The following ZNF782 variants were observed in gnomAD, a reference collection of about 807,000 sequenced individuals.
ZNF782 encodes zinc finger protein 782.
In ZNF782, 12 loss-of-function variants were observed where a neutral mutation model predicts 13.0. The ratio of observed to expected loss-of-function variants is 0.92; its 90% confidence interval spans 0.59 to 1.50. ZNF782 has a LOEUF of 1.50. Ranked by LOEUF, ZNF782 falls within the 40% of genes most tolerant of loss-of-function variation. The pLI, the probability that ZNF782 is intolerant of heterozygous loss-of-function variation, is 0.00. For missense variants in ZNF782, 770 were observed against 822.9 expected (o/e 0.94, Z 0.79); for synonymous variants, 284 against 283.0 (o/e 1.00, Z -0.04).
At chr9:96,911,510 G>GGTTTTTTT in the ZNF782 span, among the ~76,000 whole-genome samples, 3 of 109,690 alleles carry the variant, frequency 2.7e-5, no homozygotes, top group Non-Finnish European at 5.7e-5. Context: ...TTTTTTTTTT[G>GGTTTTTTT]TTTTTGTTTT....
In ZNF782 at chr9:96,818,439, G is replaced by A; in HGVS notation, c.1584C>T (p.His528=). The A allele has an allele frequency of 6.2e-7, 1 of 1,614,152 alleles. No homozygotes were observed. Among genetic ancestry groups the A allele is most frequent in the South Asian group, 1.1e-5 (1 of 91,084 alleles). Residue 528 remains histidine, a synonymous_variant, in exon 6 of 6, where the codon CAC becomes CAT. Coordinates refer to ENST00000481138, the MANE Select transcript of ZNF782 (RefSeq NM_001001662.3). ...TACATTTGTAGGGCTTCTCCCCTGTGTGTGTTCTATGATGTTTCCTCAGGC... is the reference window on the plus strand; with the variant it reads ...TACATTTGTAGGGCTTCTCCCCTGTATGTGTTCTATGATGTTTCCTCAGGC... The part of the protein sequence containing the change: ...KSGLRKHHRT[H]TGEKPYKCNQ...
chr9:96,917,887 C>CAT, the ZNF782 span, among the ~76,000 whole-genome samples: 3 of 121,682 alleles, frequency 2.5e-5, no homozygotes, highest in African/African-American at 7.2e-5. Context: ...CCACCCTTGG[C>CAT]GTGTGTGTGT....
intron 3 of ZNF782, 71 bp from the exon 4 acceptor site, chr9:96,845,087 C>T (rs758480472): frequency 1.1e-4 from 176 of 1,580,056 alleles, no homozygotes; most frequent in Non-Finnish European, 1.5e-4. Context: ...CGGAAACTAA[C>T]TCATTATGTT....
chr9:96,847,582 T>C (rs1259646912), intron 3 of ZNF782, among the ~76,000 whole-genome samples: 2 of 152,162 alleles, frequency 1.3e-5, no homozygotes, highest in Admixed American at 6.5e-5. Context: ...GGATAAATTC[T>C]TGCAAACATA....
At chr9:96,922,356 C>T in the ZNF782 span, among the ~76,000 whole-genome samples, 9 of 151,292 alleles carry the variant, frequency 5.9e-5, no homozygotes, top group South Asian at 8.4e-4. Context: ...TTGCTTCTAA[C>T]GATGTTTAGC....
chr9:96,911,784 T>C, the ZNF782 span, among the ~76,000 whole-genome samples: 1 of 152,028 alleles, frequency 6.6e-6, no homozygotes, highest in South Asian at 2.1e-4. Flanking sequence ...CCTCCCAAAG[T>C]GCTGGGATTA....
At chr9:96,825,738 G>A (rs933106295) in intron 5 of ZNF782, among the ~76,000 whole-genome samples, 1 of 152,138 alleles carries the variant, frequency 6.6e-6, no homozygotes, top group Non-Finnish European at 1.5e-5. Flanking sequence ...AGTGGGCAAA[G>A]GACATGAACA....
chr9:96,845,026 C>A lies in ZNF782; in HGVS notation c.16-10G>T, dbSNP rs373793306. On this transcript the variant is annotated splice_polypyrimidine_tract_variant and intron_variant, in intron 3 of 5. Transcript: ENST00000481138. ...GGAATGACACTGATGCCTGTAACAG[C>A]GCATTTCTAATTAATCTGAGTGTTC... 5 of 1,613,722 alleles carry A rather than the reference C, an allele frequency of 3.1e-6. No individual in the cohort carries two copies. The South Asian group carries it at 5.5e-5, about 18-fold the overall frequency.
chr9:96,876,640 G>T (rs1210065960), upstream of ZNF782, among the ~76,000 whole-genome samples: 1 of 152,086 alleles, frequency 6.6e-6, no homozygotes, highest in Non-Finnish European at 1.5e-5. Flanking sequence ...CTGTGACCCT[G>T]ACCAACAGGG....
At chr9:96,832,727 T>C (rs1342290167) in intron 4 of ZNF782, among the ~76,000 whole-genome samples, 1 of 152,212 alleles carries the variant, frequency 6.6e-6, no homozygotes, top group Non-Finnish European at 1.5e-5. Context: ...ATTGTTTCCC[T>C]TTAGTTGCTT....
At chr9:96,885,207 G>T in the ZNF782 span, among the ~76,000 whole-genome samples, 1 of 151,630 alleles carries the variant, frequency 6.6e-6, no homozygotes, top group Non-Finnish European at 1.5e-5. Flanking sequence ...ATCTAACAAG[G>T]GTTTTCGGGC....
chr9:96,895,917 G>A, the ZNF782 span: 1 of 152,198 alleles, frequency 6.6e-6, no homozygotes, highest in African/African-American at 2.4e-5. Context: ...TAGAAAAACA[G>A]CAAACCAAAA....
chr9:96,832,961 T>C (rs1198692197), intron 4 of ZNF782, among the ~76,000 whole-genome samples: 1 of 152,162 alleles, frequency 6.6e-6, no homozygotes, highest in Non-Finnish European at 1.5e-5. Context: ...GATTTTCTTG[T>C]AGTTTCTGGG....
the ZNF782 span, among the ~76,000 whole-genome samples, chr9:96,925,309 T>C: frequency 1.3e-4 from 19 of 151,546 alleles, no homozygotes; most frequent in African/African-American, 4.6e-4. Flanking sequence ...GGCGACGCCT[T>C]CTCCTTGGAG....
chr9:96,930,429 C>T, the ZNF782 span, among the ~76,000 whole-genome samples: 1 of 149,102 alleles, frequency 6.7e-6, no homozygotes, highest in South Asian at 2.1e-4. Context: ...GAGGCTGAGG[C>T]AGGAGAAGTG....
At chr9:96,885,705 G>T in the ZNF782 span, among the ~76,000 whole-genome samples, 1 of 147,604 alleles carries the variant, frequency 6.8e-6, no homozygotes, top group Non-Finnish European at 1.5e-5. Flanking sequence ...TAAGTTTCTG[G>T]AAACAAAAAA....
In ZNF782 at chr9:96,819,335, G is replaced by C. The variant is rs1850321810; in HGVS notation, c.688C>G (p.Leu230Val). Reference protein sequence around the residue: ...SRKAFLEKAALVTSNSTHPKG... With the variant: ...SRKAFLEKAAVVTSNSTHPKG... ...GGGTGGGTACTGTTAGATGTAACAAGGGCAGCCTTTTCAAGAAAAGCTTTT... is the reference window on the plus strand; with the variant it reads ...GGGTGGGTACTGTTAGATGTAACAACGGCAGCCTTTTCAAGAAAAGCTTTT... The change falls in exon 6 of 6, where the codon CTT becomes GTT. Residue 230 changes from leucine to valine, a missense_variant. Transcript: ENST00000481138. 1 of 1,602,396 alleles carries C rather than the reference G, an allele frequency of 6.2e-7. No individual in the cohort carries two copies. Among genetic ancestry groups the C allele is most frequent in the Non-Finnish European group, 8.5e-7 (1 of 1,176,248 alleles).
chr9:96,836,418 C>T (rs1851005034), intron 4 of ZNF782, among the ~76,000 whole-genome samples: 1 of 152,088 alleles, frequency 6.6e-6, no homozygotes, highest in African/African-American at 2.4e-5. Context: ...CTATGTTGGT[C>T]TTGAACTCCT....
At chr9:96,915,375 T>C in the ZNF782 span, among the ~76,000 whole-genome samples, 2 of 151,698 alleles carry the variant, frequency 1.3e-5, 1 homozygote, top group Middle Eastern at 6.8e-3. Flanking sequence ...TTTTGTTTTT[T>C]TGCATTTCAA....
Sources: allele counts gnomAD v4.1 joint callset (sites outside exome capture counted in the v4.1 genomes callset), GRCh38; gene constraint gnomAD v4.1.1; transcripts MANE v1.5; gene names NCBI Gene and HGNC (gene_info 2026-07-23, HGNC 2026-07-21).